Variants in EEPD1 observed in about 807,000 individuals in gnomAD.
EEPD1 encodes endonuclease/exonuclease/phosphatase family domain containing 1.
A neutral mutation model predicts 46.3 loss-of-function variants in EEPD1; 17 were observed. That is an observed-to-expected ratio of 0.37 (90% confidence interval 0.25 to 0.55). EEPD1 has a LOEUF of 0.55. Ranked by LOEUF, EEPD1 falls within the 20% of genes least tolerant of loss-of-function variation. EEPD1 has a pLI of 0.83. For missense variants in EEPD1, 673 were observed against 745.6 expected, an observed-to-expected ratio of 0.90 and a Z score of 1.13; for synonymous variants, 313 against 315.6, an observed-to-expected ratio of 0.99 and a Z score of 0.09.
At chr7:36,211,068 A>T (rs1023351055) in intron 2 of EEPD1, among the ~76,000 whole-genome samples, 6 of 152,152 alleles carry the variant, frequency 3.9e-5, no homozygotes, top group African/African-American at 1.4e-4. Flanking sequence ...GAGCCTCACG[A>T]GCCTGTCACA....
chr7:36,281,079 G>C, intron 3 of EEPD1, 36 bp from the exon 4 acceptor site: 1 of 1,599,342 alleles, frequency 6.3e-7, no homozygotes, highest in Non-Finnish European at 8.6e-7. Flanking sequence ...CTTTAGGCGC[G>C]AACCCACGCT....
chr7:36,194,692 C>T (rs1039617228), intron 2 of EEPD1, among the ~76,000 whole-genome samples: 7 of 152,120 alleles, frequency 4.6e-5, no homozygotes, highest in African/African-American at 1.4e-4. Flanking sequence ...GGGCTGGACC[C>T]GGAAGAGCGA....
At chr7:36,276,628 T>G (rs1203869454) in intron 3 of EEPD1, among the ~76,000 whole-genome samples, 1 of 152,218 alleles carries the variant, frequency 6.6e-6, no homozygotes, top group Non-Finnish European at 1.5e-5. Context: ...ATAAAAGCTG[T>G]CTTCCCAGGC....
At chr7:36,198,342 G>GAAAAAAAAAAAAAAAAGA (rs1583803428) in intron 2 of EEPD1, among the ~76,000 whole-genome samples, 2 of 33,114 alleles carry the variant, frequency 6.0e-5, no homozygotes, top group African/African-American at 1.2e-4. Context: ...AAAAAGAAAA[G>GAAAAAAAAAAAAAAAAGA]AAAAAAAAAA....
chr7:36,236,691 T>G (rs1376093455), intron 2 of EEPD1, among the ~76,000 whole-genome samples: 1 of 152,178 alleles, frequency 6.6e-6, no homozygotes, highest in East Asian at 1.9e-4. Context: ...TGTGTCTAGC[T>G]CATTGGATGG....
intron 2 of EEPD1, among the ~76,000 whole-genome samples, chr7:36,164,461 A>G (rs1784948855): frequency 3.3e-5 from 5 of 152,250 alleles, no homozygotes. Flanking sequence ...TTGTTTTACA[A>G]AGGGAATGGG....
chr7:36,159,284 C>A lies in EEPD1; in HGVS notation c.878+4082C>A, dbSNP rs192753453. Among the ~76,000 whole-genome samples, 440 of 152,234 alleles carry A rather than the reference C, an allele frequency of 2.9e-3. 1 individual carries two copies. Among genetic ancestry groups the A allele is most frequent in the African/African-American group, 9.8e-3 (406 of 41,508 alleles). The stretch of plus-strand genomic sequence containing the variant: ...CCCAGCCTCAAAACAGTCTAGTAAA[C>A]CTAGAGTTTTGGGGCAGGTCAAAAG... On this transcript the variant is annotated intron_variant, in intron 2 of 7. Coordinates refer to ENST00000242108, the MANE Select transcript of EEPD1 (RefSeq NM_030636.3).
chr7:36,180,309 A>G (rs1302781514), intron 2 of EEPD1, among the ~76,000 whole-genome samples: 3 of 152,056 alleles, frequency 2.0e-5, no homozygotes, highest in Non-Finnish European at 4.4e-5. Flanking sequence ...CCATTGTGTC[A>G]TTTCTGTGTG....
At chr7:36,226,812 G>A (rs1786238658) in intron 2 of EEPD1, among the ~76,000 whole-genome samples, 1 of 151,996 alleles carries the variant, frequency 6.6e-6, no homozygotes, top group South Asian at 2.1e-4. Context: ...TTGAAACAAG[G>A]ATAAATACAT....
At chr7:36,168,895 G>A (rs963183151) in intron 2 of EEPD1, among the ~76,000 whole-genome samples, 8 of 152,176 alleles carry the variant, frequency 5.3e-5, no homozygotes, top group African/African-American at 1.9e-4. Flanking sequence ...GCTTTAGGAA[G>A]TCATCTGATT....
At chr7:36,230,177 T>C (rs1786297987) in intron 2 of EEPD1, among the ~76,000 whole-genome samples, 1 of 152,090 alleles carries the variant, frequency 6.6e-6, no homozygotes, top group Admixed American at 6.5e-5. Context: ...TGTGTAGAAT[T>C]AGCCCAGTGC....
chr7:36,284,849 G>C, intron 5 of EEPD1, 29 bp downstream of exon 5: 1 of 1,435,130 alleles, frequency 7.0e-7, no homozygotes, highest in Non-Finnish European at 9.2e-7. Context: ...CTGTGACGTG[G>C]AATCTGCTTC....
Position 36,272,012 on chromosome 7 carries a change from G to A in EEPD1, c.931-9103G>A, listed in dbSNP as rs541884338. 4.6e-5 allele frequency among the ~76,000 whole-genome samples: 7 copies of A among 152,000 alleles called. No homozygotes were observed. In the South Asian group the frequency reaches 1.5e-3, roughly 32 times the overall value. On this transcript the variant is annotated intron_variant, in intron 3 of 7. Coordinates refer to ENST00000242108, the MANE Select transcript of EEPD1 (RefSeq NM_030636.3). The stretch of plus-strand genomic sequence containing the variant: ...TTCTCCTGCCTCAGCCTCCCACGTA[G>A]CTGGGATTACAGATGCCTGCCACAA...
intron 2 of EEPD1, among the ~76,000 whole-genome samples, chr7:36,216,171 T>C (rs778822865): frequency 6.6e-6 from 1 of 152,156 alleles, no homozygotes; most frequent in Non-Finnish European, 1.5e-5. Context: ...TATCCAATTA[T>C]CAAAGGAGAG....
At chr7:36,169,668 A>G (rs1372363089) in intron 2 of EEPD1, among the ~76,000 whole-genome samples, 1 of 152,156 alleles carries the variant, frequency 6.6e-6, no homozygotes, top group Non-Finnish European at 1.5e-5. Flanking sequence ...TCATGGAGTC[A>G]TTGTACCAGG....
chr7:36,240,130 G>A (rs577874077), intron 3 of EEPD1, among the ~76,000 whole-genome samples: 2 of 152,244 alleles, frequency 1.3e-5, no homozygotes, highest in East Asian at 1.9e-4. Context: ...TTAGCCAGGT[G>A]TGGTGGTGCA....
At chr7:36,205,535 G>A (rs576613544) in intron 2 of EEPD1, among the ~76,000 whole-genome samples, 2 of 152,300 alleles carry the variant, frequency 1.3e-5, no homozygotes, top group African/African-American at 2.4e-5. Flanking sequence ...GCTTTGCAAA[G>A]GTTTCATGTG....
intron 2 of EEPD1, among the ~76,000 whole-genome samples, chr7:36,200,242 T>G (rs1376459442): frequency 6.6e-6 from 1 of 152,218 alleles, no homozygotes; most frequent in East Asian, 1.9e-4. Context: ...TTTGGTTTTC[T>G]GTTCCTGTGT....
intron 6 of EEPD1, among the ~76,000 whole-genome samples, 161 bp from the exon 7 acceptor site, chr7:36,296,831 CA>C (rs1787532733): frequency 6.6e-6 from 1 of 151,098 alleles, no homozygotes; most frequent in Non-Finnish European, 1.5e-5. Context: ...GGGTGATATG[CA>C]CATGAAATGT....
Sources: gnomAD v4.1 joint callset for allele counts (sites outside exome capture counted in the v4.1 genomes callset) on GRCh38, gnomAD v4.1.1 for gene constraint, MANE v1.5 for transcripts, NCBI Gene and HGNC (gene_info 2026-07-23, HGNC 2026-07-21) for gene names.